Variants in MAPK10 observed in about 807,000 individuals in gnomAD.
The protein encoded by MAPK10 is JNK3 alpha protein kinase.
A neutral mutation model predicts 59.3 loss-of-function variants in MAPK10; 25 were observed. The observed-to-expected ratio is 0.42, with a 90% CI of 0.31 to 0.59. MAPK10 has a LOEUF of 0.59. MAPK10 is among the 20% of genes least tolerant of loss of function. The pLI is 0.15. For missense variants in MAPK10, 351 were observed against 568.9 expected (o/e 0.62, Z 3.90); for synonymous variants, 190 against 200.5 (o/e 0.95, Z 0.44).
chr4:86,138,784 A>T (rs902980718), intron 4 of MAPK10, among the ~76,000 whole-genome samples: 1 of 151,818 alleles, frequency 6.6e-6, no homozygotes, highest in Admixed American at 6.6e-5. Flanking sequence ...TATCTAGAAA[A>T]CCCCATTGTC....
intron 3 of MAPK10, among the ~76,000 whole-genome samples, chr4:86,171,402 G>C (rs2074089311): frequency 6.6e-6 from 1 of 151,926 alleles, no homozygotes; most frequent in Non-Finnish European, 1.5e-5. Context: ...GAACAGAACA[G>C]AGCCCTCAGA....
chr4:86,324,423 T>TA (rs538799675), intron 2 of MAPK10, among the ~76,000 whole-genome samples: 2,302 of 137,256 alleles, frequency 0.017, 46 homozygotes, highest in African/African-American at 0.051. Context: ...CTCAAAAAAA[T>TA]AAAAAAAAAA....
intron 3 of MAPK10, among the ~76,000 whole-genome samples, chr4:86,169,328 C>T (rs559838111): frequency 2.6e-5 from 4 of 152,134 alleles, no homozygotes; most frequent in East Asian, 1.9e-4. Flanking sequence ...AAAATTTAGA[C>T]GAATGTATAA....
At chr4:86,421,815 A>T (rs1459828211) in intron 1 of MAPK10, among the ~76,000 whole-genome samples, 1 of 152,166 alleles carries the variant, frequency 6.6e-6, no homozygotes, top group Non-Finnish European at 1.5e-5. Flanking sequence ...ATGAAATCCC[A>T]TGGGTGGCTT....
intron 2 of MAPK10, among the ~76,000 whole-genome samples, chr4:86,295,141 A>G (rs1347192847): frequency 6.6e-6 from 1 of 152,168 alleles, no homozygotes; most frequent in Admixed American, 6.5e-5. Context: ...ACGTGTTAGG[A>G]CACAGCCCGA....
intron 2 of MAPK10, chr4:86,332,496 T>C (rs946318814): frequency 2.0e-5 from 3 of 152,116 alleles, no homozygotes; most frequent in Non-Finnish European, 4.4e-5. Context: ...GGAAAGAATA[T>C]CACCCATGAA....
intron 2 of MAPK10, among the ~76,000 whole-genome samples, chr4:86,204,863 G>T (rs1213354062): frequency 2.0e-5 from 3 of 151,934 alleles, no homozygotes; most frequent in African/African-American, 4.8e-5. Flanking sequence ...TATGTGAGCT[G>T]ATCTGATATT....
chr4:86,368,276 C>T (rs59277757), intron 1 of MAPK10, among the ~76,000 whole-genome samples: 12,438 of 152,032 alleles, frequency 0.082, 722 homozygotes, highest in East Asian at 0.25. Flanking sequence ...TCCCATATAC[C>T]CTACTCCCTC....
chr4:86,462,017 C>A (rs575453875), intron 1 of MAPK10, among the ~76,000 whole-genome samples: 3 of 152,222 alleles, frequency 2.0e-5, no homozygotes, highest in African/African-American at 7.2e-5. Context: ...CCATCCTGGG[C>A]CCCGTTCCAA....
At chr4:86,099,748 C>T (rs1307777429) in intron 8 of MAPK10, 1 of 152,290 alleles carries the variant, frequency 6.6e-6, no homozygotes, top group African/African-American at 2.4e-5. Flanking sequence ...CGCCCCACCC[C>T]CCAGTCTCCT....
chr4:86,189,783 C>G (rs1582344718), intron 3 of MAPK10, among the ~76,000 whole-genome samples: 1 of 152,034 alleles, frequency 6.6e-6, no homozygotes, highest in Non-Finnish European at 1.5e-5. Flanking sequence ...TTCCAATACT[C>G]TGTTGAATAG....
intron 2 of MAPK10, among the ~76,000 whole-genome samples, chr4:86,345,631 T>C (rs1046522823): frequency 2.6e-5 from 4 of 152,182 alleles, no homozygotes; most frequent in Admixed American, 1.3e-4. Context: ...AAATCTAGCT[T>C]CAAGGGCTCT....
chr4:86,189,590 A>G (rs1337134992), intron 3 of MAPK10, among the ~76,000 whole-genome samples: 1 of 152,126 alleles, frequency 6.6e-6, no homozygotes, highest in Admixed American at 6.6e-5. Flanking sequence ...ATATTTGCAA[A>G]TTGACTTTGT....
chr4:86,202,332 T>C (rs1002123197), intron 2 of MAPK10, among the ~76,000 whole-genome samples: 1 of 151,876 alleles, frequency 6.6e-6, no homozygotes, highest in African/African-American at 2.4e-5. Flanking sequence ...TTCATTACTT[T>C]TGTTATGAAT....
intron 1 of MAPK10, among the ~76,000 whole-genome samples, chr4:86,419,630 A>T (rs145837862): frequency 5.3e-4 from 81 of 152,298 alleles, no homozygotes; most frequent in African/African-American, 1.8e-3. Context: ...AAATTCACCA[A>T]TATCGATGAA....
upstream of MAPK10, among the ~76,000 whole-genome samples, chr4:86,362,497 G>A (rs1661087654): frequency 6.6e-6 from 1 of 151,146 alleles, no homozygotes; most frequent in African/African-American, 2.4e-5. Context: ...AGGCAAGCCA[G>A]AGTCTAGATG....
chr4:86,103,137 G>A (rs201901459), intron 6 of MAPK10, 49 bp downstream of exon 6: 1 of 1,123,748 alleles, frequency 8.9e-7, no homozygotes. Context: ...TTTCCCTTGG[G>A]CTATCTGAGT....
intron 2 of MAPK10, among the ~76,000 whole-genome samples, chr4:86,275,367 A>C (rs529591374): frequency 4.6e-5 from 7 of 152,066 alleles, no homozygotes; most frequent in Non-Finnish European, 7.4e-5. Context: ...TTCAGATTAA[A>C]GTGAAAATTG....
At chr4:86,255,324 G>C (rs921941707) in intron 2 of MAPK10, among the ~76,000 whole-genome samples, 3 of 152,146 alleles carry the variant, frequency 2.0e-5, no homozygotes, top group Non-Finnish European at 4.4e-5. Flanking sequence ...AATGAATAAA[G>C]AGCATGAACG....
Sources: allele counts gnomAD v4.1 joint callset (sites outside exome capture counted in the v4.1 genomes callset), GRCh38; gene constraint gnomAD v4.1.1; transcripts MANE v1.5; gene names NCBI Gene and HGNC (gene_info 2026-07-23, HGNC 2026-07-21).